The following PRKN variants were observed in gnomAD, a reference collection of about 807,000 sequenced individuals.
PRKN encodes E3 ubiquitin-protein ligase parkin.
A neutral mutation model predicts 59.5 loss-of-function variants in PRKN; 56 were observed. The observed-to-expected ratio is 0.94, with a 90% CI of 0.76 to 1.18. PRKN has a LOEUF of 1.18. Ranked by LOEUF, PRKN falls within the 50% of genes most tolerant of loss-of-function variation. The probability of loss-of-function intolerance (pLI) is 0.00; values close to 1 mark genes in which losing one functional copy is unlikely to be tolerated. For missense variants in PRKN, 657 were observed against 596.4 expected (o/e 1.10, Z -1.06); for synonymous variants, 250 against 222.1 (o/e 1.13, Z -1.12).
chr6:161,742,294 C>T (rs879899790), intron 7 of PRKN, among the ~76,000 whole-genome samples: 3 of 152,140 alleles, frequency 2.0e-5, no homozygotes, highest in Non-Finnish European at 4.4e-5. Flanking sequence ...AGTTCCCCTG[C>T]ACAAGCTCTC....
At chr6:161,394,911 C>T (rs545620217) in intron 9 of PRKN, among the ~76,000 whole-genome samples, 71 of 152,296 alleles carry the variant, frequency 4.7e-4, no homozygotes, top group African/African-American at 1.6e-3. Context: ...TTTACCATAA[C>T]TTAAAGGGAA....
At chr6:162,204,336 C>A (rs769808559) in intron 3 of PRKN, among the ~76,000 whole-genome samples, 1 of 152,268 alleles carries the variant, frequency 6.6e-6, no homozygotes, top group Admixed American at 6.5e-5. Context: ...CCTGACCATA[C>A]CCCTTCTCAG....
At chr6:161,716,167 T>G in intron 7 of PRKN, 5 of 1,156,980 alleles carry the variant, frequency 4.3e-6, no homozygotes, top group Non-Finnish European at 5.9e-6. Flanking sequence ...CTGGGTTAAT[T>G]TGATGCTCAC....
chr6:162,627,958 C>T (rs1782959620), intron 1 of PRKN, among the ~76,000 whole-genome samples: 1 of 152,076 alleles, frequency 6.6e-6, no homozygotes, highest in African/African-American at 2.4e-5. Flanking sequence ...AGACATCAAA[C>T]CACTCGGTAT....
At chr6:162,545,305 A>C (rs904160855) in intron 1 of PRKN, among the ~76,000 whole-genome samples, 7 of 152,138 alleles carry the variant, frequency 4.6e-5, no homozygotes, top group African/African-American at 1.7e-4. Flanking sequence ...AAAAATAAAA[A>C]AATTTAAAAA....
chr6:161,709,026 T>A (rs189322316), intron 7 of PRKN, among the ~76,000 whole-genome samples: 95 of 152,334 alleles, frequency 6.2e-4, no homozygotes, highest in African/African-American at 2.1e-3. Context: ...TTTTAAATTG[T>A]GTTTAATTTT....
intron 5 of PRKN, among the ~76,000 whole-genome samples, chr6:162,001,244 T>C (rs1782043424): frequency 6.6e-6 from 1 of 152,088 alleles, no homozygotes; most frequent in Admixed American, 6.6e-5. Flanking sequence ...AGAATTAACA[T>C]TCTGACAATA....
At chr6:161,672,588 C>A (rs1784948999) in intron 7 of PRKN, among the ~76,000 whole-genome samples, 1 of 152,068 alleles carries the variant, frequency 6.6e-6, no homozygotes, top group South Asian at 2.1e-4. Context: ...CCAGCCTGGA[C>A]AACATGGTGA....
intron 7 of PRKN, among the ~76,000 whole-genome samples, chr6:161,781,549 A>G (rs573349671): frequency 2.6e-5 from 4 of 152,252 alleles, no homozygotes; most frequent in Non-Finnish European, 5.9e-5. Flanking sequence ...TTAACAACAT[A>G]GAGCTTGACC....
intron 2 of PRKN, among the ~76,000 whole-genome samples, chr6:162,353,634 A>G (rs965037469): frequency 2.0e-5 from 3 of 152,158 alleles, no homozygotes; most frequent in Admixed American, 2.0e-4. Context: ...TTAATCAACT[A>G]TGTAGTTTAC....
intron 7 of PRKN, among the ~76,000 whole-genome samples, chr6:161,680,382 T>C (rs1785271372): frequency 6.6e-6 from 1 of 152,134 alleles, no homozygotes; most frequent in Non-Finnish European, 1.5e-5. Flanking sequence ...TTGTGAATCC[T>C]TGCAGTACGG....
chr6:161,680,727 ATATATATATATATATATATATAT>A (rs1785287464), intron 7 of PRKN, among the ~76,000 whole-genome samples: 1 of 8,294 alleles, frequency 1.2e-4, no homozygotes, highest in Non-Finnish European at 1.9e-4. Flanking sequence ...CCTGAAATAC[ATATATATATATATATATATATAT>A]ATATATATAT....
At chr6:161,854,444 A>C (rs991731283) in intron 6 of PRKN, among the ~76,000 whole-genome samples, 11 of 152,190 alleles carry the variant, frequency 7.2e-5, no homozygotes, top group African/African-American at 2.7e-4. Flanking sequence ...TGCAAAAAGT[A>C]ATTTTTTCTG....
At chr6:161,682,106 C>A (rs1785388212) in intron 7 of PRKN, among the ~76,000 whole-genome samples, 3 of 152,314 alleles carry the variant, frequency 2.0e-5, no homozygotes, top group Admixed American at 2.0e-4. Flanking sequence ...ACGCACTGGG[C>A]TCAGCTCCCT....
chr6:162,164,098 G>T (rs548727488), intron 4 of PRKN, among the ~76,000 whole-genome samples: 1 of 149,152 alleles, frequency 6.7e-6, no homozygotes, highest in Non-Finnish European at 1.5e-5. Flanking sequence ...GCTCAAGTGT[G>T]GAATACCAGC....
At chr6:162,143,150 G>C (rs955362097) in intron 4 of PRKN, among the ~76,000 whole-genome samples, 1 of 152,156 alleles carries the variant, frequency 6.6e-6, no homozygotes, top group Non-Finnish European at 1.5e-5. Flanking sequence ...CTTCCTTGTT[G>C]AGTAATGAGA....
chr6:161,532,942 C>G (rs937742731), intron 9 of PRKN, among the ~76,000 whole-genome samples: 14 of 152,136 alleles, frequency 9.2e-5, no homozygotes, highest in Admixed American at 2.0e-4. Context: ...ATGTTGGATA[C>G]CATGGTGGAT....
chr6:162,484,748 A>T (rs1462482871), intron 1 of PRKN, among the ~76,000 whole-genome samples: 1 of 152,162 alleles, frequency 6.6e-6, no homozygotes, highest in Non-Finnish European at 1.5e-5. Context: ...TGTGATGTAT[A>T]ACACTGTGAC....
At chr6:161,705,884 A>C (rs1397637229) in intron 7 of PRKN, among the ~76,000 whole-genome samples, 2 of 152,080 alleles carry the variant, frequency 1.3e-5, no homozygotes, top group Admixed American at 1.3e-4. Context: ...TGTCAGATTC[A>C]CATTACTAAT....
Sources: allele counts gnomAD v4.1 joint callset (sites outside exome capture counted in the v4.1 genomes callset), GRCh38; gene constraint gnomAD v4.1.1; transcripts MANE v1.5; gene names NCBI Gene and HGNC (gene_info 2026-07-23, HGNC 2026-07-21).